DOK5: variants seen among roughly 807,000 people sequenced by gnomAD.
The protein encoded by DOK5 is downstream of tyrosine kinase 5.
DOK5 carries 27 observed loss-of-function variants against 43.3 expected under a neutral mutation model. The observed-to-expected ratio is 0.62, with a 90% CI of 0.46 to 0.86. The LOEUF (loss-of-function observed/expected upper bound fraction) is 0.86, where lower values mean the gene tolerates loss of function less well. Among genes scored for constraint, DOK5 ranks in the 40% least tolerant of loss-of-function variants. DOK5 has a pLI of 0.00. For synonymous variants in DOK5, 146 were observed against 140.1 expected (o/e 1.04, Z -0.30); for missense variants, 373 against 392.9 (o/e 0.95, Z 0.43).
chr20:54,580,674 A>G (rs1455917475), intron 2 of DOK5, among the ~76,000 whole-genome samples: 1 of 152,098 alleles, frequency 6.6e-6, no homozygotes, highest in Admixed American at 6.5e-5. Context: ...AGAAATGTCT[A>G]TCTTTGAATA....
intron 5 of DOK5, among the ~76,000 whole-genome samples, chr20:54,597,647 T>G (rs551835418): frequency 1.4e-4 from 21 of 152,324 alleles, no homozygotes; most frequent in African/African-American, 5.0e-4. Flanking sequence ...GATCTTTTAC[T>G]TCCAAACTCC....
rs536247812 is a variant in DOK5 at position 54,649,802 on chromosome 20, G to T, written c.857-613G>T. On this transcript the variant is annotated intron_variant, in intron 7 of 7. Coordinates refer to ENST00000262593, the MANE Select transcript of DOK5 (RefSeq NM_018431.5). ...TGTGGCTGCTTTTGTGCTACAGGCA[G>T]CAGGGCTCAGTAGTCGCAATGAGAC... 2.5e-4 allele frequency among the ~76,000 whole-genome samples: 38 copies of T among 152,324 alleles called. No individual in the cohort carries two copies. The South Asian group carries it at 7.9e-3, about 32-fold the overall frequency.
chr20:54,527,207 T>A (rs1166110194), intron 1 of DOK5, among the ~76,000 whole-genome samples: 1 of 152,232 alleles, frequency 6.6e-6, no homozygotes, highest in Non-Finnish European at 1.5e-5. Context: ...ATGGCAAATT[T>A]CAGGATCTTT....
chr20:54,540,670 C>T (rs1440552421), intron 1 of DOK5, among the ~76,000 whole-genome samples: 2 of 152,066 alleles, frequency 1.3e-5, no homozygotes, highest in Non-Finnish European at 2.9e-5. Flanking sequence ...GGGTGCACCA[C>T]CACACCTGGA....
intron 6 of DOK5, among the ~76,000 whole-genome samples, chr20:54,622,266 C>T (rs1407862229): frequency 6.6e-6 from 1 of 151,910 alleles, no homozygotes; most frequent in African/African-American, 2.4e-5. Context: ...TACTAATAGA[C>T]ATTTAACAGA....
intron 2 of DOK5, among the ~76,000 whole-genome samples, chr20:54,568,587 C>T (rs1393784574): frequency 6.6e-6 from 1 of 152,128 alleles, no homozygotes; most frequent in African/African-American, 2.4e-5. Context: ...TTTCTCTTTA[C>T]ACTTCTTATT....
At chr20:54,641,108 C>T (rs1254197606) in intron 6 of DOK5, among the ~76,000 whole-genome samples, 1 of 152,108 alleles carries the variant, frequency 6.6e-6, no homozygotes, top group African/African-American at 2.4e-5. Context: ...AAATTAAAAA[C>T]AAGAAACAGC....
At chr20:54,571,118 T>C (rs1465050294) in intron 2 of DOK5, among the ~76,000 whole-genome samples, 1 of 152,246 alleles carries the variant, frequency 6.6e-6, no homozygotes, top group Non-Finnish European at 1.5e-5. Flanking sequence ...AGTATTTCTT[T>C]CTTTTGTTGG....
intron 1 of DOK5, among the ~76,000 whole-genome samples, chr20:54,507,119 T>A (rs940231512): frequency 6.6e-6 from 1 of 152,190 alleles, no homozygotes; most frequent in Admixed American, 6.5e-5. Context: ...TTTTGAGTAC[T>A]TATTACCACG....
intron 1 of DOK5, among the ~76,000 whole-genome samples, chr20:54,523,007 A>C (rs1422165695): frequency 6.6e-6 from 1 of 152,172 alleles, no homozygotes; most frequent in African/African-American, 2.4e-5. Context: ...AATCCTTCTA[A>C]GCCTATTAGA....
At chr20:54,515,200 C>T (rs565263601) in intron 1 of DOK5, among the ~76,000 whole-genome samples, 14 of 152,068 alleles carry the variant, frequency 9.2e-5, no homozygotes, top group Admixed American at 4.6e-4. Context: ...TTAGTAGATA[C>T]GGGGGTTTCA....
chr20:54,591,599 T>G lies in DOK5; in HGVS notation c.410-17T>G. On this transcript the variant is annotated splice_polypyrimidine_tract_variant and intron_variant, in intron 4 of 7. Transcript: ENST00000262593. ...TATTCCTGGGGATTTTAGACTAACC[T>G]TTTGTTTTTCTCCCAGAGAGATTCA... 1 of 1,552,708 alleles carries G rather than the reference T, an allele frequency of 6.4e-7. No homozygotes were observed. Among genetic ancestry groups the G allele is most frequent in the Non-Finnish European group, 8.7e-7 (1 of 1,146,188 alleles).
At chr20:54,502,051 G>A (rs1273597179) in intron 1 of DOK5, among the ~76,000 whole-genome samples, 1 of 152,190 alleles carries the variant, frequency 6.6e-6, no homozygotes, top group Non-Finnish European at 1.5e-5. Flanking sequence ...TACTGGGAAG[G>A]TTAATAAAGA....
chr20:54,511,434 G>T lies in DOK5; in HGVS notation c.66+35422G>T, dbSNP rs185976941. ...TGGCCTTACCAAAAGATGAACCAAA[G>T]AAAGTAAAGTAGAAAAGGTGGTAGA... On this transcript the variant is annotated intron_variant, in intron 1 of 7. Coordinates refer to ENST00000262593, the MANE Select transcript of DOK5 (RefSeq NM_018431.5). 7.2e-5 allele frequency among the ~76,000 whole-genome samples: 11 copies of T among 152,274 alleles called. No individual in the cohort carries two copies. In the East Asian group the frequency reaches 2.1e-3, roughly 29 times the overall value.
intron 1 of DOK5, among the ~76,000 whole-genome samples, chr20:54,515,812 C>T (rs1800340694): frequency 6.6e-6 from 1 of 152,174 alleles, no homozygotes; most frequent in African/African-American, 2.4e-5. Context: ...GAGATGCTAG[C>T]TACCCAGAAA....
At chr20:54,623,918 G>A (rs1987063216) in intron 6 of DOK5, among the ~76,000 whole-genome samples, 1 of 152,144 alleles carries the variant, frequency 6.6e-6, no homozygotes, top group Admixed American at 6.5e-5. Flanking sequence ...ATATGAGTTG[G>A]GCGAGGAGAA....
At chr20:54,646,640 A>G (rs1446562868) in intron 7 of DOK5, among the ~76,000 whole-genome samples, 1 of 152,206 alleles carries the variant, frequency 6.6e-6, no homozygotes, top group African/African-American at 2.4e-5. Flanking sequence ...TATCTTGCTT[A>G]TCAAAAGTGG....
At chr20:54,607,911 C>G (rs1459879177) in intron 5 of DOK5, among the ~76,000 whole-genome samples, 2 of 150,030 alleles carry the variant, frequency 1.3e-5, no homozygotes, top group Admixed American at 6.7e-5. Flanking sequence ...CAAAACAAAA[C>G]AAAACAAAAC....
rs8126261 is a variant in DOK5, at chr20:54,529,702, C to A, written c.67-25231C>A. ...CATCATTCCATAGAGAATTCCCGTA[C>A]CCATTAACAGTAGTCACTTCTCATT... On this transcript the variant is annotated intron_variant, in intron 1 of 7. Transcript: ENST00000262593. Among the ~76,000 whole-genome samples, 3 of 152,188 alleles carry A rather than the reference C, an allele frequency of 2.0e-5. No individual in the cohort carries two copies. In the East Asian group the frequency reaches 5.8e-4, roughly 29 times the overall value.
Sources: allele counts gnomAD v4.1 joint callset (sites outside exome capture counted in the v4.1 genomes callset), GRCh38; gene constraint gnomAD v4.1.1; transcripts MANE v1.5; gene names NCBI Gene and HGNC (gene_info 2026-07-23, HGNC 2026-07-21).